Variants in SPTY2D1 observed in about 807,000 individuals in gnomAD.
SPTY2D1 encodes protein SPT2 homolog.
Under a neutral mutation model 64.0 loss-of-function variants are expected in SPTY2D1, and 21 were observed. The ratio of observed to expected loss-of-function variants is 0.33; its 90% CI spans 0.23 to 0.47. The LOEUF is 0.47. SPTY2D1 is among the 20% of genes least tolerant of loss of function. The probability of loss-of-function intolerance (pLI) is 1.00; values close to 1 mark genes in which losing one functional copy is unlikely to be tolerated. For missense variants in SPTY2D1, 724 were observed against 837.2 expected, an observed-to-expected ratio of 0.86 and a Z score of 1.67; for synonymous variants, 287 against 286.8, an observed-to-expected ratio of 1.00 and a Z score of -0.01.
At chr11:18,616,853 G>C (rs527841734) in intron 2 of SPTY2D1, 22 bp downstream of exon 2, 1 of 1,606,236 alleles carries the variant, frequency 6.2e-7, no homozygotes, top group Non-Finnish European at 8.5e-7. Context: ...TTAAAATTGA[G>C]AATAAGGCTA....
At chr11:18,622,403 C>T (rs1045341609) in intron 1 of SPTY2D1, among the ~76,000 whole-genome samples, 1 of 151,680 alleles carries the variant, frequency 6.6e-6, no homozygotes, top group Non-Finnish European at 1.5e-5. Flanking sequence ...TTGTGACGCA[C>T]GCCTGTAGTC....
At position 18,614,749 on chromosome 11, in the gene SPTY2D1, A is replaced by C. The variant is rs768895995; in HGVS notation, c.1525T>G (p.Ser509Ala). 6.2e-7 allele frequency: 1 copy of C among 1,613,598 alleles called. No individual in the cohort carries two copies. The highest frequency in any genetic ancestry group is 8.5e-7 in the Non-Finnish European group (1 of 1,179,552). The change falls in exon 3 of 6, where the codon TCA (serine) becomes GCA (alanine). Residue 509 changes from serine (S) to alanine (A), a missense_variant. By Grantham distance (99) the Ser-to-Ala change is moderately conservative. Around this residue, in one of 3 missense-constraint regions of SPTY2D1, gnomAD observed 426 missense variants for 431.8 expected, o/e 0.99. Coordinates refer to ENST00000336349, the MANE Select transcript of SPTY2D1 (RefSeq NM_194285.3). ...SIPAGRTVSN[S>A]VPGRPVSSLG... ...CTGCTCACTGGTCTTCCTGGGACTG[A>C]ATTACTGACAGTCCGTCCAGCTGGA...
intron 2 of SPTY2D1, 40 bp downstream of exon 2, chr11:18,616,835 G>A (rs772942933): frequency 2.5e-6 from 4 of 1,587,044 alleles, no homozygotes; most frequent in South Asian, 2.2e-5. Context: ...TGGTGAAGAT[G>A]GAATACTTTA....
rs375989504 is a variant in SPTY2D1 at position 18,615,260 on chromosome 11, C to A, written c.1014G>T (p.Glu338Asp). The change falls in exon 3 of 6, where the codon GAG becomes GAT. Residue 338 changes from glutamate (E) to aspartate (D), a missense_variant. Physicochemically the swap from Glu to Asp is conservative, Grantham distance 45. Coordinates refer to ENST00000336349, the MANE Select transcript of SPTY2D1 (RefSeq NM_194285.3). ...SASRTQKSAV[E>D]HKAKKSLSHP... is the part of the protein sequence containing the mutation. The stretch of plus-strand genomic sequence containing the variant: ...GGGACAGAGATTTTTTGGCTTTGTG[C>A]TCAACAGCAGATTTCTGAGTCCTGC... The A allele has an allele frequency of 1.1e-4, 179 of 1,614,066 alleles. No individual in the cohort carries two copies. The highest frequency in any genetic ancestry group is 3.9e-5 in the Non-Finnish European group (46 of 1,180,046).
At chr11:18,617,563 T>A (rs1403004953) in intron 1 of SPTY2D1, among the ~76,000 whole-genome samples, 2 of 131,206 alleles carry the variant, frequency 1.5e-5, no homozygotes, top group East Asian at 4.5e-4. Context: ...GAGGCAGAGG[T>A]TGCAGTGAGC....
intron 1 of SPTY2D1, among the ~76,000 whole-genome samples, chr11:18,618,624 T>C (rs560351845): frequency 4.6e-5 from 7 of 152,332 alleles, no homozygotes; most frequent in Admixed American, 4.6e-4. Context: ...TCATCTAACG[T>C]ACCTGTTGCT....
At chr11:18,616,405 C>A (rs1854300564) in intron 2 of SPTY2D1, among the ~76,000 whole-genome samples, 1 of 152,130 alleles carries the variant, frequency 6.6e-6, no homozygotes, top group African/African-American at 2.4e-5. Flanking sequence ...AATTATGATT[C>A]AATGAATACT....
chr11:18,614,491 C>G, intron 3 of SPTY2D1, 72 bp downstream of exon 3: 2 of 1,448,074 alleles, frequency 1.4e-6, no homozygotes, highest in Non-Finnish European at 1.9e-6. Flanking sequence ...CAAAGGGTCC[C>G]TGATAATATA....
chr11:18,614,805 C>T lies in SPTY2D1; in HGVS notation c.1469G>A (p.Ser490Asn). Residue 490 changes from serine to asparagine, a missense_variant, in exon 3 of 6, where the codon AGT (serine) becomes AAT (asparagine). Coordinates refer to ENST00000336349, the MANE Select transcript of SPTY2D1 (RefSeq NM_194285.3). ...GCCACTTATGGATCTCCCAGGGCCA[C>T]TGACAGACCGCCCCGGGGGGCCCAA... ...SGLGPPGRSV[S>N]GPGRSISGSI... The T allele has an allele frequency of 6.2e-7, 1 of 1,613,276 alleles. No individual in the cohort carries two copies. Among genetic ancestry groups the T allele is most frequent in the South Asian group, 1.1e-5 (1 of 90,982 alleles).
intron 1 of SPTY2D1, among the ~76,000 whole-genome samples, chr11:18,628,960 GA>G (rs1854542276): frequency 6.6e-6 from 1 of 152,126 alleles, no homozygotes; most frequent in Non-Finnish European, 1.5e-5. Context: ...GAAGACATCT[GA>G]ATTTGCTGTC....
chr11:18,616,969 C>T lies in SPTY2D1; in HGVS notation c.81G>A (p.Val27=). The part of the protein sequence containing the change: ...NNVPKRYSLA[V]GPPKKDPKVK... ...CTTTTGGGTCTTTTTTTGGAGGCCC[C>T]ACTGCCAAACTATACCTTTTCTAAA... The change falls in exon 2 of 6, where the codon GTG becomes GTA. Residue 27 remains valine (V), a synonymous_variant. Coordinates refer to ENST00000336349, the MANE Select transcript of SPTY2D1 (RefSeq NM_194285.3). The T allele has an allele frequency of 6.2e-7, 1 of 1,614,118 alleles. No homozygotes were observed. The highest frequency in any genetic ancestry group is 8.5e-7 in the Non-Finnish European group (1 of 1,180,004).
intron 2 of SPTY2D1, among the ~76,000 whole-genome samples, chr11:18,616,426 G>C (rs1416292296): frequency 6.6e-6 from 1 of 152,138 alleles, no homozygotes; most frequent in South Asian, 2.1e-4. Context: ...TAAACATATT[G>C]AATCAGTTTC....
intron 1 of SPTY2D1, among the ~76,000 whole-genome samples, chr11:18,618,489 C>T (rs1030715231): frequency 2.6e-5 from 4 of 152,096 alleles, no homozygotes; most frequent in South Asian, 4.1e-4. Flanking sequence ...AGAAATATGA[C>T]GAACATAGAG....
At chr11:18,628,999 C>CA (rs2134118422) in intron 1 of SPTY2D1, among the ~76,000 whole-genome samples, 1 of 152,268 alleles carries the variant, frequency 6.6e-6, no homozygotes, top group East Asian at 1.9e-4. Context: ...CTCTTACTTT[C>CA]ACTACCTATG....
intron 1 of SPTY2D1, among the ~76,000 whole-genome samples, chr11:18,621,323 C>A (rs1292423058): frequency 7.3e-6 from 1 of 137,540 alleles, no homozygotes; most frequent in Non-Finnish European, 1.5e-5. Flanking sequence ...TCTCAAAAAA[C>A]AGAAAAGAAA....
chr11:18,622,954 AAAC>A (rs71050619), intron 1 of SPTY2D1, among the ~76,000 whole-genome samples: 12,540 of 149,252 alleles, frequency 0.084, 1,363 homozygotes, highest in African/African-American at 0.26. Context: ...CTCTGTCTCA[AAAC>A]AACAACAACA....
In SPTY2D1 at chr11:18,612,454, T is replaced by C; in HGVS notation, c.1746A>G (p.Lys582=). The C allele has an allele frequency of 6.2e-7, 1 of 1,607,626 alleles. No homozygotes were observed. Among genetic ancestry groups the C allele is most frequent in the Non-Finnish European group, 8.5e-7 (1 of 1,176,890 alleles). ...PQRLPFPTGY[K]RQREYEEEDD... is the part of the protein sequence containing the mutation. Reference sequence around the variant, plus strand: ...CTTCCTCTTCATATTCTCGCTGCCTTTTGTAACCAGTAGGGAAGGGAAGCC... The same window carrying C: ...CTTCCTCTTCATATTCTCGCTGCCTCTTGTAACCAGTAGGGAAGGGAAGCC... The change falls in exon 4 of 6, where the codon AAA becomes AAG. Residue 582 remains lysine (K), a synonymous_variant. Transcript: ENST00000336349. This position sits in a 1 kb window ranked among gnomAD's most constrained non-coding sequence, Gnocchi z 4.6.
At chr11:18,618,875 T>C (rs1854344926) in intron 1 of SPTY2D1, among the ~76,000 whole-genome samples, 1 of 152,192 alleles carries the variant, frequency 6.6e-6, no homozygotes, top group African/African-American at 2.4e-5. Flanking sequence ...CTGAAAATCT[T>C]GCATGATAGC....
rs1320732182 is a variant in SPTY2D1 at position 18,616,862 on chromosome 11, T to C, written c.175+13A>G. The C allele has an allele frequency of 6.2e-7, 1 of 1,612,018 alleles. No individual in the cohort carries two copies. ...AATACTTTAAAATTGAGAATAAGGC[T>C]ATAGATACATACCTTTTCGTCTCAG... On this transcript the variant is annotated intron_variant, in intron 2 of 5. Coordinates refer to ENST00000336349, the MANE Select transcript of SPTY2D1 (RefSeq NM_194285.3).
Sources: allele counts gnomAD v4.1 joint callset (sites outside exome capture counted in the v4.1 genomes callset), GRCh38; gene constraint gnomAD v4.1.1; regional missense constraint gnomAD v4.1.1; non-coding constraint Gnocchi (gnomAD v3.1); transcripts MANE v1.5; gene names NCBI Gene and HGNC (gene_info 2026-07-23, HGNC 2026-07-21).